The following MAGI2 variants were observed in gnomAD, a reference collection of about 807,000 sequenced individuals.
MAGI2 encodes the protein membrane associated guanylate kinase, WW and PDZ domain containing 2.
In MAGI2, 35 loss-of-function variants were observed where a neutral mutation model predicts 133.3. That is an observed-to-expected ratio of 0.26 (90% confidence interval 0.20 to 0.35). The LOEUF is 0.35. Ranked by LOEUF, MAGI2 falls within the 10% of genes least tolerant of loss-of-function variation. The pLI, the probability that MAGI2 is intolerant of heterozygous loss-of-function variation, is 1.00. For missense variants in MAGI2, 1,636 were observed against 1,863.4 expected (o/e 0.88, Z 2.25); for synonymous variants, 729 against 710.6 (o/e 1.03, Z -0.41).
At chr7:78,084,479 C>T (rs1022904912) in intron 20 of MAGI2, among the ~76,000 whole-genome samples, 2 of 97,342 alleles carry the variant, frequency 2.1e-5, no homozygotes, top group Admixed American at 1.9e-4. Flanking sequence ...CATTTGCATG[C>T]CGTGTAAGTT....
intron 1 of MAGI2, among the ~76,000 whole-genome samples, chr7:79,091,121 G>A (rs1015278663): frequency 1.3e-5 from 2 of 151,796 alleles, no homozygotes; most frequent in African/African-American, 4.8e-5. Context: ...TTTATTCACA[G>A]TGGACCACAT....
chr7:78,313,079 C>T (rs1041216307), intron 9 of MAGI2, among the ~76,000 whole-genome samples: 1 of 151,880 alleles, frequency 6.6e-6, no homozygotes, highest in Admixed American at 6.6e-5. Context: ...ACTGGAGGTC[C>T]TTAAGTGAAA....
At chr7:79,064,010 G>A (rs568283348) in intron 1 of MAGI2, among the ~76,000 whole-genome samples, 1 of 152,166 alleles carries the variant, frequency 6.6e-6, no homozygotes, top group South Asian at 2.1e-4. Context: ...GGATATTGAA[G>A]ATATCTCACG....
Position 78,859,098 on chromosome 7 carries a change from C to T in MAGI2, c.418+147992G>A, listed in dbSNP as rs531688174. Among the ~76,000 whole-genome samples, 432 of 151,702 alleles carry T rather than the reference C, an allele frequency of 2.8e-3. 3 individuals are homozygous for T. The highest frequency in any genetic ancestry group is 4.3e-3 in the Non-Finnish European group (289 of 67,940). On this transcript the variant is annotated intron_variant, in intron 2 of 21. Coordinates refer to ENST00000354212, the MANE Select transcript of MAGI2 (RefSeq NM_012301.4). ...TTTGTTTTCCATTTGCTTGGTAGATCTTCCTCCATCCCTTTATTTTGAGCC... is the reference window on the plus strand; with the variant it reads ...TTTGTTTTCCATTTGCTTGGTAGATTTTCCTCCATCCCTTTATTTTGAGCC...
intron 2 of MAGI2, among the ~76,000 whole-genome samples, chr7:79,004,835 C>A (rs1284290296): frequency 6.6e-6 from 1 of 152,164 alleles, no homozygotes; most frequent in Non-Finnish European, 1.5e-5. Flanking sequence ...GTAATCCCAA[C>A]ACTTCTGGAG....
At chr7:78,672,938 A>G (rs923742303) in intron 2 of MAGI2, among the ~76,000 whole-genome samples, 4 of 152,188 alleles carry the variant, frequency 2.6e-5, no homozygotes, top group Admixed American at 2.0e-4. Flanking sequence ...ACTTTCATCA[A>G]TGGCTTTTAT....
intron 2 of MAGI2, among the ~76,000 whole-genome samples, chr7:78,878,793 C>A (rs1795623807): frequency 6.6e-6 from 1 of 152,150 alleles, no homozygotes; most frequent in African/African-American, 2.4e-5. Flanking sequence ...CATGCCCAGG[C>A]AGATCTTCAT....
chr7:79,178,813 C>T lies in MAGI2; in HGVS notation c.302-171607G>A, dbSNP rs376289366. Among the ~76,000 whole-genome samples, 11 of 151,914 alleles carry T rather than the reference C, an allele frequency of 7.2e-5. 1 individual carries two copies. The highest frequency in any genetic ancestry group is 2.7e-4 in the African/African-American group (11 of 41,364). On this transcript the variant is annotated intron_variant, in intron 1 of 21. Coordinates refer to ENST00000354212, the MANE Select transcript of MAGI2 (RefSeq NM_012301.4). ...ACTTTATATCTAAAAGCATTAACAT[C>T]ATTGGCTATTTCTGCAAATAATTTT...
intron 2 of MAGI2, among the ~76,000 whole-genome samples, chr7:78,910,725 A>C (rs968904809): frequency 1.3e-5 from 2 of 152,190 alleles, no homozygotes; most frequent in African/African-American, 4.8e-5. Context: ...TATATTTTCT[A>C]ATTCTTTGGA....
At chr7:79,224,086 T>C (rs909761633) in intron 1 of MAGI2, among the ~76,000 whole-genome samples, 1 of 152,088 alleles carries the variant, frequency 6.6e-6, no homozygotes, top group Admixed American at 6.5e-5. Flanking sequence ...TGCTCCACTT[T>C]CTTGTTTTCA....
chr7:78,978,759 C>CG (rs775181776), intron 2 of MAGI2, among the ~76,000 whole-genome samples: 1 of 151,668 alleles, frequency 6.6e-6, no homozygotes, highest in Non-Finnish European at 1.5e-5. Context: ...GGCGTGGGGT[C>CG]GGGGAGCAAT....
At chr7:79,246,837 C>A (rs968767206) in intron 1 of MAGI2, among the ~76,000 whole-genome samples, 1 of 152,090 alleles carries the variant, frequency 6.6e-6, no homozygotes. Context: ...CCAAATAAGA[C>A]TACCTCAAAA....
chr7:79,342,912 A>C (rs1585640705), intron 1 of MAGI2, among the ~76,000 whole-genome samples: 1 of 152,024 alleles, frequency 6.6e-6, no homozygotes, highest in East Asian at 2.0e-4. Flanking sequence ...GGCACGTGCC[A>C]CCATGCCTGG....
intron 2 of MAGI2, among the ~76,000 whole-genome samples, chr7:78,901,922 C>T (rs1010678877): frequency 8.3e-4 from 126 of 151,912 alleles, no homozygotes; most frequent in African/African-American, 2.9e-3. Context: ...GAAATAAAGC[C>T]GATCCAATGA....
intron 3 of MAGI2, among the ~76,000 whole-genome samples, chr7:78,604,545 G>A (rs1805595546): frequency 6.6e-6 from 1 of 152,124 alleles, no homozygotes; most frequent in African/African-American, 2.4e-5. Context: ...TCTCCCATGT[G>A]CCACACACTA....
At chr7:78,237,035 G>A (rs1242206967) in intron 10 of MAGI2, among the ~76,000 whole-genome samples, 3 of 152,104 alleles carry the variant, frequency 2.0e-5, no homozygotes, top group Admixed American at 1.3e-4. Flanking sequence ...TCTCTCACCA[G>A]GTCCCTCCCA....
At chr7:79,200,535 C>T (rs1342286700) in intron 1 of MAGI2, among the ~76,000 whole-genome samples, 3 of 150,994 alleles carry the variant, frequency 2.0e-5, no homozygotes, top group Non-Finnish European at 4.4e-5. Context: ...GGCTTAAACC[C>T]AGGAGGTTGA....
intron 6 of MAGI2, among the ~76,000 whole-genome samples, chr7:78,389,021 G>T (rs1469178156): frequency 6.6e-6 from 1 of 152,126 alleles, no homozygotes; most frequent in African/African-American, 2.4e-5. Context: ...GTTACTCAGA[G>T]ATAATACTTG....
intron 2 of MAGI2, among the ~76,000 whole-genome samples, chr7:78,861,457 A>G (rs531815423): frequency 3.3e-5 from 5 of 152,288 alleles, no homozygotes; most frequent in Non-Finnish European, 7.4e-5. Context: ...CTTCTTCATT[A>G]TTTATGTCAC....
Sources: allele counts gnomAD v4.1 joint callset (sites outside exome capture counted in the v4.1 genomes callset), GRCh38; gene constraint gnomAD v4.1.1; transcripts MANE v1.5; gene names NCBI Gene and HGNC (gene_info 2026-07-23, HGNC 2026-07-21).